The following TMEM132D variants were observed in gnomAD, a reference collection of about 807,000 sequenced individuals.
TMEM132D encodes mature OL transmembrane protein.
In TMEM132D, 21 loss-of-function variants were observed where a neutral mutation model predicts 62.3. The observed-to-expected ratio is 0.34, with a 90% CI of 0.24 to 0.49. TMEM132D has a LOEUF of 0.49. Ranked by LOEUF, TMEM132D falls within the 20% of genes least tolerant of loss-of-function variation. The pLI, the probability that TMEM132D is intolerant of heterozygous loss-of-function variation, is 0.99. For missense variants in TMEM132D, 1,346 were observed against 1,402.8 expected, an observed-to-expected ratio of 0.96 and a Z score of 0.65; for synonymous variants, 621 against 575.6, an observed-to-expected ratio of 1.08 and a Z score of -1.13.
intron 4 of TMEM132D, among the ~76,000 whole-genome samples, chr12:129,239,378 A>T (rs1158113653): frequency 1.3e-5 from 2 of 152,072 alleles, no homozygotes; most frequent in African/African-American, 4.8e-5. Context: ...GGTTGCGTTA[A>T]ATTTGTAGAT....
intron 2 of TMEM132D, among the ~76,000 whole-genome samples, chr12:129,556,284 G>A (rs1413442005): frequency 5.9e-5 from 9 of 152,130 alleles, no homozygotes; most frequent in Admixed American, 1.3e-4. Flanking sequence ...AGAAAAAAAG[G>A]TGCTGTTTCT....
At chr12:129,301,355 C>T (rs1408024662) in intron 4 of TMEM132D, among the ~76,000 whole-genome samples, 1 of 152,032 alleles carries the variant, frequency 6.6e-6, no homozygotes, top group African/African-American at 2.4e-5. Flanking sequence ...TATGGGGGCT[C>T]AAAGCTGCAT....
intron 4 of TMEM132D, among the ~76,000 whole-genome samples, chr12:129,241,766 C>G (rs781461879): frequency 9.9e-5 from 15 of 152,202 alleles, no homozygotes; most frequent in Non-Finnish European, 1.5e-4. Context: ...TTCACAAGGG[C>G]ATAGACTATG....
chr12:129,744,735 A>G (rs2137261953), intron 1 of TMEM132D, among the ~76,000 whole-genome samples: 1 of 152,290 alleles, frequency 6.6e-6, no homozygotes, highest in Non-Finnish European at 1.5e-5. Context: ...CTAGGTCCTG[A>G]GCAAACGCAA....
At chr12:129,443,486 G>A (rs948222291) in intron 3 of TMEM132D, among the ~76,000 whole-genome samples, 1 of 152,204 alleles carries the variant, frequency 6.6e-6, no homozygotes, top group Non-Finnish European at 1.5e-5. Flanking sequence ...CCGAGGAACC[G>A]TGACGCAAGG....
At chr12:129,103,385 C>A (rs1340791033) in intron 5 of TMEM132D, among the ~76,000 whole-genome samples, 1 of 152,222 alleles carries the variant, frequency 6.6e-6, no homozygotes, top group Admixed American at 6.5e-5. Context: ...ATCAGCCAGC[C>A]CATGCCCCCA....
At chr12:129,267,458 C>T (rs1280997969) in intron 4 of TMEM132D, among the ~76,000 whole-genome samples, 1 of 152,092 alleles carries the variant, frequency 6.6e-6, no homozygotes, top group Non-Finnish European at 1.5e-5. Context: ...AATAAAATAC[C>T]TAGGAATCCA....
intron 5 of TMEM132D, among the ~76,000 whole-genome samples, chr12:129,105,577 A>G (rs1349014639): frequency 1.3e-5 from 2 of 150,356 alleles, no homozygotes; most frequent in Admixed American, 6.6e-5. Context: ...AAAGAAAAAA[A>G]CAAACAACCC....
intron 3 of TMEM132D, among the ~76,000 whole-genome samples, chr12:129,493,101 C>T (rs568568464): frequency 6.6e-6 from 1 of 152,292 alleles, no homozygotes; most frequent in South Asian, 2.1e-4. Context: ...CAACATGTGC[C>T]TGTCGTTTCC....
intron 2 of TMEM132D, among the ~76,000 whole-genome samples, chr12:129,552,491 T>A (rs1481607859): frequency 6.6e-6 from 1 of 152,096 alleles, no homozygotes; most frequent in Non-Finnish European, 1.5e-5. Flanking sequence ...TCTCTCTACA[T>A]TATCATCTAT....
intron 2 of TMEM132D, among the ~76,000 whole-genome samples, chr12:129,647,121 C>T (rs924120367): frequency 2.0e-5 from 3 of 146,400 alleles, no homozygotes; most frequent in East Asian, 4.0e-4. Context: ...TACATACATA[C>T]ATATATATAT....
intron 5 of TMEM132D, among the ~76,000 whole-genome samples, chr12:129,105,978 T>G (rs2135640215): frequency 6.6e-6 from 1 of 151,930 alleles, no homozygotes; most frequent in South Asian, 2.1e-4. Context: ...GTATGTTTAT[T>G]GTGGCACTAT....
At chr12:129,309,375 C>G (rs1008097227) in intron 4 of TMEM132D, among the ~76,000 whole-genome samples, 7 of 152,170 alleles carry the variant, frequency 4.6e-5, no homozygotes, top group Admixed American at 3.3e-4. Context: ...TTTATCACTA[C>G]TTAGGCACCA....
intron 3 of TMEM132D, among the ~76,000 whole-genome samples, chr12:129,483,095 T>C (rs1454835065): frequency 6.6e-6 from 1 of 152,096 alleles, no homozygotes; most frequent in African/African-American, 2.4e-5. Context: ...GAAAATTGTG[T>C]TTTCTAAATG....
At chr12:129,167,168 AAAC>A (rs1055427202) in intron 5 of TMEM132D, among the ~76,000 whole-genome samples, 15 of 50,976 alleles carry the variant, frequency 2.9e-4, no homozygotes, top group African/African-American at 2.0e-3. Context: ...TAAAAAAAAA[AAAC>A]AAAAAAAAAA....
chr12:129,741,062 T>G (rs1411924813), intron 1 of TMEM132D, among the ~76,000 whole-genome samples: 2 of 152,228 alleles, frequency 1.3e-5, no homozygotes, highest in Non-Finnish European at 2.9e-5. Context: ...CCTGAGGAAT[T>G]TCTACATTGA....
intron 1 of TMEM132D, among the ~76,000 whole-genome samples, chr12:129,810,656 A>T (rs1161199955): frequency 2.0e-5 from 3 of 152,202 alleles, no homozygotes; most frequent in Admixed American, 1.3e-4. Flanking sequence ...GTGCAAAAGA[A>T]ATAAAAGTTA....
chr12:129,134,628 TA>T (rs1399342119), intron 5 of TMEM132D, among the ~76,000 whole-genome samples: 1 of 152,130 alleles, frequency 6.6e-6, no homozygotes, highest in Non-Finnish European at 1.5e-5. Context: ...ATTTAATAAT[TA>T]AAAAACTGAA....
intron 3 of TMEM132D, among the ~76,000 whole-genome samples, chr12:129,363,089 A>T (rs7304215): frequency 6.6e-5 from 10 of 152,174 alleles, no homozygotes; most frequent in African/African-American, 2.4e-4. Context: ...TAGAGAAAAC[A>T]CATTCGGAAC....
Sources: gnomAD v4.1 joint callset for allele counts (sites outside exome capture counted in the v4.1 genomes callset) on GRCh38, gnomAD v4.1.1 for gene constraint, MANE v1.5 for transcripts, NCBI Gene and HGNC (gene_info 2026-07-23, HGNC 2026-07-21) for gene names.